The following CIROZ variants were observed in gnomAD, a reference collection of about 807,000 sequenced individuals.
CIROZ encodes the protein ciliated left-right organizer ZP-N domains-containing protein.
the CIROZ span, chr1:10,976,278 G>C: frequency 6.7e-7 from 1 of 1,491,800 alleles, no homozygotes; most frequent in African/African-American, 1.4e-5. Flanking sequence ...GAGGGAAGGG[G>C]GTGGGGACAT....
At chr1:10,947,162 C>T in the CIROZ span, among the ~76,000 whole-genome samples, 1 of 152,336 alleles carries the variant, frequency 6.6e-6, no homozygotes, top group South Asian at 2.1e-4. Flanking sequence ...GAGGTGAGTG[C>T]CTTGCCAAGG....
chr1:10,964,378 C>T, the CIROZ span: 2 of 1,311,538 alleles, frequency 1.5e-6, no homozygotes, highest in East Asian at 5.3e-5. Flanking sequence ...CACCATGAAC[C>T]TCCTAGAAGG....
chr1:10,948,442 C>G, the CIROZ span: 1 of 1,613,758 alleles, frequency 6.2e-7, no homozygotes, highest in Non-Finnish European at 8.5e-7. Flanking sequence ...CTTGACAAGC[C>G]TCTCAGCAGG....
chr1:10,947,958 C>G, the CIROZ span: 2 of 1,613,756 alleles, frequency 1.2e-6, no homozygotes, highest in Non-Finnish European at 1.7e-6. Context: ...GTCTGGCCCT[C>G]CCACAGATGA....
chr1:10,977,256 G>A, the CIROZ span, among the ~76,000 whole-genome samples: 8 of 151,732 alleles, frequency 5.3e-5, no homozygotes, highest in African/African-American at 1.9e-4. Context: ...GGCCGAGGCG[G>A]GCAGATCACC....
chr1:10,948,269 C>T, the CIROZ span: 1 of 1,613,856 alleles, frequency 6.2e-7, no homozygotes, highest in Non-Finnish European at 8.5e-7. Flanking sequence ...GTGGCCTCTC[C>T]ACCTCCGTTC....
the CIROZ span, among the ~76,000 whole-genome samples, chr1:10,970,381 A>G: frequency 6.6e-6 from 1 of 152,030 alleles, no homozygotes; most frequent in Admixed American, 6.6e-5. Context: ...TAATCCCAAC[A>G]CTTTGGGAGA....
At chr1:10,953,709 T>C in the CIROZ span, among the ~76,000 whole-genome samples, 1 of 152,152 alleles carries the variant, frequency 6.6e-6, no homozygotes, top group African/African-American at 2.4e-5. Context: ...AGGCTCAACA[T>C]GGTTAAGTAA....
At chr1:10,967,257 C>T in the CIROZ span, among the ~76,000 whole-genome samples, 17 of 151,590 alleles carry the variant, frequency 1.1e-4, no homozygotes, top group East Asian at 3.1e-3. Flanking sequence ...CACTTCTCTT[C>T]CCCTCCCTCC....
At chr1:10,949,242 A>G in the CIROZ span, 3 of 239,968 alleles carry the variant, frequency 1.3e-5, no homozygotes, top group African/African-American at 4.6e-5. Flanking sequence ...AAAAAAAAGA[A>G]GAGCTGGAGG....
chr1:10,953,942 C>A, the CIROZ span: 1 of 1,508,488 alleles, frequency 6.6e-7, no homozygotes, highest in East Asian at 2.5e-5. Context: ...GAAGAAAGAA[C>A]CCCAGGGCCA....
chr1:10,960,046 G>T, the CIROZ span, among the ~76,000 whole-genome samples: 1 of 152,124 alleles, frequency 6.6e-6, no homozygotes, highest in South Asian at 2.1e-4. The surrounding 1 kb of genome is among the most constrained non-coding windows in gnomAD (Gnocchi z 4.6). Flanking sequence ...AGACAGAGAG[G>T]CCCCCAGAGG....
At chr1:10,954,839 G>A in the CIROZ span, 10 of 783,962 alleles carry the variant, frequency 1.3e-5, no homozygotes, top group South Asian at 9.4e-5. Flanking sequence ...GTGACGCTCC[G>A]GCCTCGGCTT....
the CIROZ span, chr1:10,976,275 G>C: frequency 1.3e-6 from 2 of 1,506,660 alleles, no homozygotes; most frequent in Admixed American, 2.0e-5. Context: ...GAGGAGGGAA[G>C]GGGGTGGGGA....
chr1:10,958,722 T>A, the CIROZ span: 3 of 1,614,128 alleles, frequency 1.9e-6, no homozygotes, highest in Non-Finnish European at 2.5e-6. Context: ...ACCTGTCTAT[T>A]GTCCCTCCAC....
chr1:10,964,930 C>T, the CIROZ span, among the ~76,000 whole-genome samples: 3 of 152,080 alleles, frequency 2.0e-5, no homozygotes, highest in African/African-American at 7.2e-5. Flanking sequence ...CAAGCCCAGC[C>T]AAGGCTGGGT....
At chr1:10,951,745 A>AAAAAAAAATATATATAT in the CIROZ span, among the ~76,000 whole-genome samples, 1 of 119,206 alleles carries the variant, frequency 8.4e-6, no homozygotes, top group African/African-American at 3.6e-5. Context: ...AAAAAAAAAA[A>AAAAAAAAATATATATAT]ATATATATAT....
the CIROZ span, among the ~76,000 whole-genome samples, chr1:10,974,030 T>C: frequency 6.6e-6 from 1 of 151,862 alleles, no homozygotes. This position sits in a 1 kb window ranked among gnomAD's most constrained non-coding sequence, Gnocchi z 4.4. Context: ...AGGGGCCTGC[T>C]CAGAGCTCTT....
At chr1:10,975,114 A>G in the CIROZ span, among the ~76,000 whole-genome samples, 4 of 152,194 alleles carry the variant, frequency 2.6e-5, no homozygotes, top group Non-Finnish European at 5.9e-5. Flanking sequence ...TCTACTAAAA[A>G]TACAAAAATT....
Sources: gnomAD v4.1 joint callset for allele counts (sites outside exome capture counted in the v4.1 genomes callset) on GRCh38, gnomAD v4.1.1 for gene constraint, Gnocchi (gnomAD v3.1) non-coding constraint, MANE v1.5 for transcripts, NCBI Gene and HGNC (gene_info 2026-07-23, HGNC 2026-07-21) for gene names.